STARD13: variants seen among roughly 807,000 people sequenced by gnomAD.
STARD13 encodes the protein stAR-related lipid transfer protein 13.
Under a neutral mutation model 106.4 loss-of-function variants are expected in STARD13, and 62 were observed. The observed-to-expected ratio is 0.58, with a 90% CI of 0.48 to 0.72. The LOEUF (loss-of-function observed/expected upper bound fraction) is 0.72. STARD13 is among the 30% of genes least tolerant of loss of function. The probability of loss-of-function intolerance (pLI) is 0.00; values close to 1 mark genes in which losing one functional copy is unlikely to be tolerated. For synonymous variants in STARD13, 565 were observed against 553.0 expected (o/e 1.02, Z -0.31); for missense variants, 1,387 against 1,424.0 (o/e 0.97, Z 0.42).
At chr13:33,177,875 A>AAAGG (rs1555242651) in intron 1 of STARD13, among the ~76,000 whole-genome samples, 2 of 5,494 alleles carry the variant, frequency 3.6e-4, no homozygotes, top group Non-Finnish European at 5.8e-4. Context: ...GGAAGGAAGG[A>AAAGG]AAGGAAGGAA....
chr13:33,209,048 G>A (rs994545657), intron 1 of STARD13, among the ~76,000 whole-genome samples: 3 of 152,198 alleles, frequency 2.0e-5, no homozygotes, highest in African/African-American at 7.2e-5. Context: ...TGGTCAGGAA[G>A]TATGCCTAGA....
intron 1 of STARD13, among the ~76,000 whole-genome samples, chr13:33,179,494 T>C (rs372461700): frequency 9.2e-5 from 14 of 152,344 alleles, no homozygotes; most frequent in African/African-American, 3.4e-4. Context: ...AAGATAGTGG[T>C]TCTGATGGAT....
chr13:33,542,424 G>A, the STARD13 span, among the ~76,000 whole-genome samples: 1 of 152,334 alleles, frequency 6.6e-6, no homozygotes, highest in East Asian at 1.9e-4. Context: ...CAAACCCCGT[G>A]GGCGGGATTT....
chr13:33,660,183 A>AT, the STARD13 span, among the ~76,000 whole-genome samples: 130,814 of 152,136 alleles, frequency 0.86, 57,136 homozygotes, highest in South Asian at 0.96. Context: ...ATTTTTACTG[A>AT]TTTGTACTTG....
chr13:33,231,622 C>A (rs1888926930), intron 1 of STARD13, among the ~76,000 whole-genome samples: 1 of 152,082 alleles, frequency 6.6e-6, no homozygotes, highest in African/African-American at 2.4e-5. Flanking sequence ...CATTTACCAT[C>A]TCACTTTGGA....
At chr13:33,389,656 T>A in the STARD13 span, among the ~76,000 whole-genome samples, 5 of 152,314 alleles carry the variant, frequency 3.3e-5, no homozygotes, top group South Asian at 8.3e-4. Context: ...ACATTGTTCA[T>A]TCACATTTAA....
At chr13:33,320,331 C>T (rs1051938206) in intron 1 of STARD13, among the ~76,000 whole-genome samples, 1 of 152,176 alleles carries the variant, frequency 6.6e-6, no homozygotes, top group East Asian at 1.9e-4. Flanking sequence ...TCCCAGAGAC[C>T]ACACTCCAGG....
chr13:33,554,339 AAG>A, the STARD13 span, among the ~76,000 whole-genome samples: 9 of 152,286 alleles, frequency 5.9e-5, no homozygotes, highest in African/African-American at 2.2e-4. Flanking sequence ...GTGATTCTAA[AAG>A]AGAAATTCTC....
At chr13:33,459,906 A>C in the STARD13 span, among the ~76,000 whole-genome samples, 1 of 152,200 alleles carries the variant, frequency 6.6e-6, no homozygotes, top group East Asian at 1.9e-4. Flanking sequence ...CCAAAGAAAA[A>C]TGTGATGCCA....
chr13:33,346,488 C>T (rs1262573927), downstream of STARD13, among the ~76,000 whole-genome samples: 1 of 152,132 alleles, frequency 6.6e-6, no homozygotes, highest in Admixed American at 6.5e-5. Context: ...GTTGACAAGA[C>T]AGCTTTTCAT....
chr13:33,620,204 A>G, the STARD13 span, among the ~76,000 whole-genome samples: 2 of 152,210 alleles, frequency 1.3e-5, no homozygotes. Flanking sequence ...AATTTGAAAA[A>G]TGCTATCAAC....
intron 1 of STARD13, among the ~76,000 whole-genome samples, chr13:33,329,822 G>C (rs1353906523): frequency 1.3e-5 from 2 of 151,266 alleles, no homozygotes; most frequent in Non-Finnish European, 2.9e-5. Flanking sequence ...TCCTGCCTCA[G>C]CCTCCTGCGT....
At chr13:33,321,277 C>T (rs1383004988) in intron 1 of STARD13, among the ~76,000 whole-genome samples, 2 of 151,976 alleles carry the variant, frequency 1.3e-5, no homozygotes, top group South Asian at 2.1e-4. Flanking sequence ...AGGCCAAGGC[C>T]GGTGGATCAC....
the STARD13 span, among the ~76,000 whole-genome samples, chr13:33,512,082 G>T: frequency 6.6e-6 from 1 of 152,190 alleles, no homozygotes; most frequent in South Asian, 2.1e-4. Flanking sequence ...TATTTGAGCA[G>T]ATTTTGGAGA....
At chr13:33,486,356 G>T in the STARD13 span, among the ~76,000 whole-genome samples, 3 of 152,036 alleles carry the variant, frequency 2.0e-5, no homozygotes. Flanking sequence ...CCGAAATTGT[G>T]CATAGTACCA....
At chr13:33,547,951 T>G in the STARD13 span, among the ~76,000 whole-genome samples, 1 of 152,156 alleles carries the variant, frequency 6.6e-6, no homozygotes, top group Non-Finnish European at 1.5e-5. Flanking sequence ...CAATGCCAAT[T>G]TTTTCTATTT....
chr13:33,405,701 A>G, the STARD13 span, among the ~76,000 whole-genome samples: 1 of 152,286 alleles, frequency 6.6e-6, no homozygotes, highest in African/African-American at 2.4e-5. Flanking sequence ...AACGAATGAT[A>G]TATACAAAGA....
At chr13:33,142,153 C>G (rs948805512) in intron 4 of STARD13, among the ~76,000 whole-genome samples, 157 bp downstream of exon 4, 1 of 152,158 alleles carries the variant, frequency 6.6e-6, no homozygotes, top group African/African-American at 2.4e-5. Flanking sequence ...CTCAGCCTCT[C>G]GATAGCTGGG....
downstream of STARD13, among the ~76,000 whole-genome samples, chr13:33,343,688 T>C (rs560324436): frequency 4.0e-5 from 6 of 151,634 alleles, no homozygotes; most frequent in African/African-American, 1.5e-4. Flanking sequence ...AATCTGTTCC[T>C]TTCTCTCCAT....
Sources: gnomAD v4.1 joint callset for allele counts (sites outside exome capture counted in the v4.1 genomes callset) on GRCh38, gnomAD v4.1.1 for gene constraint, MANE v1.5 for transcripts, NCBI Gene and HGNC (gene_info 2026-07-23, HGNC 2026-07-21) for gene names.